Variants in B3GNT3 observed in about 807,000 individuals in gnomAD.
B3GNT3 encodes UDP-GlcNAc:betaGal beta-1,3-N-acetylglucosaminyltransferase 3, also known as N-acetyllactosaminide beta-1,3-N-acetylglucosaminyltransferase 3.
A neutral mutation model predicts 11.6 loss-of-function variants in B3GNT3; 7 were observed. The ratio of observed to expected loss-of-function variants is 0.60; its 90% CI spans 0.34 to 1.13. The LOEUF (loss-of-function observed/expected upper bound fraction) is 1.13, where lower values mean the gene tolerates loss of function less well. B3GNT3 is among the 50% of genes most tolerant of loss of function. The pLI is 0.03. For synonymous variants in B3GNT3, 201 were observed against 222.1 expected, an observed-to-expected ratio of 0.90 and a Z score of 0.85; for missense variants, 400 against 507.4, an observed-to-expected ratio of 0.79 and a Z score of 2.03.
rs184192733 is a variant in B3GNT3 at position 17,811,082 on chromosome 19, C to T, written c.568-489C>T. On this transcript the variant is annotated intron_variant, in intron 2 of 2. Transcript: ENST00000318683. The surrounding 1 kb of genome is among the most constrained non-coding windows in gnomAD (Gnocchi z 4.1). ...ATTATTAGCCAGGAGTAAGTAGCGG[C>T]ATGTGTCTGTAGTACCAGCTACTTG... Among the ~76,000 whole-genome samples the T allele has an allele frequency of 4.0e-5, 6 of 150,960 alleles. No individual in the cohort carries two copies. The highest frequency in any genetic ancestry group is 1.2e-4 in the African/African-American group (5 of 41,124).
Position 17,799,511 on chromosome 19 carries a change from G to A in B3GNT3, c.-51+4305G>A, listed in dbSNP as rs1303707232. On this transcript the variant is annotated intron_variant, in intron 1 of 2. Transcript: ENST00000318683. The stretch of plus-strand genomic sequence containing the variant: ...TCTCGAACTCCTGACCTCATGATTC[G>A]CCCGCCTCTGCCTCCCAAAGTGCTG... 4.0e-5 allele frequency among the ~76,000 whole-genome samples: 6 copies of A among 151,780 alleles called. No homozygotes were observed. In the South Asian group the frequency reaches 1.0e-3, roughly 26 times the overall value.
rs949440340 is a variant in B3GNT3, at chr19:17,808,096, G to T, written c.289G>T (p.Asp97Tyr). 6.2e-7 allele frequency: 1 copy of T among 1,613,846 alleles called. No individual in the cohort carries two copies. The highest frequency in any genetic ancestry group is 8.5e-7 in the Non-Finnish European group (1 of 1,179,916). The change falls in exon 2 of 3, where the codon GAC (aspartate) becomes TAC (tyrosine). Residue 97 changes from aspartate (D) to tyrosine (Y), a missense_variant. Coordinates refer to ENST00000318683, the MANE Select transcript of B3GNT3 (RefSeq NM_014256.4). Reference sequence around the variant, plus strand: ...CTGCCGCCACTTTCCCCTGCTGCAGGACGTGCCCCCCTCTAAGTGCGCGCA... The same window carrying T: ...CTGCCGCCACTTTCCCCTGCTGCAGTACGTGCCCCCCTCTAAGTGCGCGCA... ...RHCRHFPLLQ[D>Y]VPPSKCAQPV...
intron 1 of B3GNT3, among the ~76,000 whole-genome samples, chr19:17,805,447 C>G (rs2094171946): frequency 6.6e-6 from 1 of 152,116 alleles, no homozygotes; most frequent in Non-Finnish European, 1.5e-5. Flanking sequence ...CTCCCCTGCT[C>G]ATAGACCCTC....
chr19:17,808,109 C>G lies in B3GNT3; in HGVS notation c.302C>G (p.Ser101Cys). Residue 101 changes from serine (S) to cysteine (C), a missense_variant, in exon 2 of 3, where the codon TCT becomes TGT. Physicochemically the swap from Ser to Cys is moderately radical, Grantham distance 112. Coordinates refer to ENST00000318683, the MANE Select transcript of B3GNT3 (RefSeq NM_014256.4). ...HFPLLQDVPP[S>C]KCAQPVFLLL... is the part of the protein sequence containing the mutation. ...CCCCTGCTGCAGGACGTGCCCCCCT[C>G]TAAGTGCGCGCAGCCGGTCTTCCTG... 6.2e-7 allele frequency: 1 copy of G among 1,613,896 alleles called. No homozygotes were observed. The highest frequency in any genetic ancestry group is 1.1e-5 in the South Asian group (1 of 91,070).
chr19:17,807,960 T>TCCGCGCC lies in B3GNT3; in HGVS notation c.155_156insGCGCCCC (p.Pro53ArgfsTer52). 1 of 1,609,548 alleles carries TCCGCGCC rather than the reference T, an allele frequency of 6.2e-7. No homozygotes were observed. Among genetic ancestry groups the TCCGCGCC allele is most frequent in the Non-Finnish European group, 8.5e-7 (1 of 1,178,130 alleles). ...TCCCCGAGGCCCTGGCCTGGCCCAC[T>TCCGCGCC]CCACCCACCCGCCCAGCCCCGGCCC... On this transcript the variant is annotated frameshift_variant, in exon 2 of 3. Coordinates refer to ENST00000318683, the MANE Select transcript of B3GNT3 (RefSeq NM_014256.4). LOFTEE classifies it high-confidence loss of function.
chr19:17,807,884 G>A lies in B3GNT3; in HGVS notation c.77G>A (p.Ser26Asn). 2 of 1,613,468 alleles carry A rather than the reference G, an allele frequency of 1.2e-6. No individual in the cohort carries two copies. The highest frequency in any genetic ancestry group is 1.7e-6 in the Non-Finnish European group (2 of 1,179,984). ...GGCGCTTTCACCCTCCTCCTCTTCA[G>A]TCTGCTAGTGTCACCACCCACCTGC... ...AIGAFTLLLFSLLVSPPTCKV... is the reference protein window; with the variant it reads ...AIGAFTLLLFNLLVSPPTCKV... Residue 26 changes from serine to asparagine, a missense_variant, in exon 2 of 3, where the codon AGT becomes AAT. Coordinates refer to ENST00000318683, the MANE Select transcript of B3GNT3 (RefSeq NM_014256.4).
Position 17,811,727 on chromosome 19 carries a change from G to A in B3GNT3, c.724G>A (p.Val242Met), listed in dbSNP as rs747823658. Residue 242 changes from valine to methionine, a missense_variant, in exon 3 of 3, where the codon GTG becomes ATG. Val to Met is a conservative substitution (Grantham distance 21, BLOSUM62 1). Transcript: ENST00000318683. The surrounding 1 kb of genome is among the most constrained non-coding windows in gnomAD (Gnocchi z 4.1). Reference sequence around the variant, plus strand: ...CTTCGTGGGGCAACTGATCCAAAACGTGGGCCCCATCCGGGCTTTTTGGAG... The same window carrying A: ...CTTCGTGGGGCAACTGATCCAAAACATGGGCCCCATCCGGGCTTTTTGGAG... ...HLFVGQLIQN[V>M]GPIRAFWSKY... The A allele has an allele frequency of 6.8e-6, 11 of 1,614,086 alleles. No homozygotes were observed. The highest frequency in any genetic ancestry group is 5.5e-5 in the South Asian group (5 of 91,084).
intron 1 of B3GNT3, among the ~76,000 whole-genome samples, chr19:17,802,020 G>A (rs1357426076): frequency 2.0e-5 from 3 of 152,042 alleles, no homozygotes; most frequent in African/African-American, 4.8e-5. Flanking sequence ...CCTGGGAAGC[G>A]GGGGTTGCAG....
Position 17,813,520 on chromosome 19 carries a change from C to T in B3GNT3, c.*1398C>T, listed in dbSNP as rs1322577920. 6.6e-6 allele frequency among the ~76,000 whole-genome samples: 1 copy of T among 151,682 alleles called. No individual in the cohort carries two copies. The highest frequency in any genetic ancestry group is 2.1e-4 in the South Asian group (1 of 4,828). ...GGCAGATCTGACCTCATCCCACCCA[C>T]CCCCTGCTCAGATACCCTTCATAGC... On this transcript the variant is annotated 3_prime_UTR_variant, in exon 3 of 3. Transcript: ENST00000318683.
At chr19:17,804,532 G>GTTTTTTT (rs1568390814) in intron 1 of B3GNT3, among the ~76,000 whole-genome samples, 4 of 18,784 alleles carry the variant, frequency 2.1e-4, no homozygotes, top group Admixed American at 7.3e-4. Flanking sequence ...ACCGTGCCCA[G>GTTTTTTT]CTTTTTTTTT....
intron 1 of B3GNT3, among the ~76,000 whole-genome samples, chr19:17,804,604 C>T (rs1433852659): frequency 8.0e-6 from 1 of 125,216 alleles, no homozygotes; most frequent in East Asian, 2.5e-4. Flanking sequence ...GTGGTGTGAT[C>T]TTGGCTCACT....
Position 17,812,959 on chromosome 19 carries a change from G to GA in B3GNT3, c.*837_*838insA, listed in dbSNP as rs1456369262. Reference sequence around the variant, plus strand: ...CCCAGTATGTTTTACAGATTACGGGGGGACCGGGTGAGCCAGTGACCCCCT... The same window carrying GA: ...CCCAGTATGTTTTACAGATTACGGGGAGGACCGGGTGAGCCAGTGACCCCCT... On this transcript the variant is annotated 3_prime_UTR_variant, in exon 3 of 3. Coordinates refer to ENST00000318683, the MANE Select transcript of B3GNT3 (RefSeq NM_014256.4). 3.3e-5 allele frequency: 5 copies of GA among 152,200 alleles called. No homozygotes were observed. Among genetic ancestry groups the GA allele is most frequent in the South Asian group, 2.1e-4 (1 of 4,828 alleles). 9.4% of individuals were successfully genotyped at this position (152,200 alleles called of 1,614,324 possible). A position where few individuals can be genotyped will look rare whatever the true frequency, so the allele number is the denominator to read the frequency against.
chr19:17,802,568 G>A (rs149820790), intron 1 of B3GNT3, among the ~76,000 whole-genome samples: 109 of 152,262 alleles, frequency 7.2e-4, no homozygotes, highest in Non-Finnish European at 1.4e-3. Flanking sequence ...GAAGCCTCTC[G>A]GAGGTGACAT....
At chr19:17,803,250 C>A (rs994226015) in intron 1 of B3GNT3, among the ~76,000 whole-genome samples, 3 of 152,124 alleles carry the variant, frequency 2.0e-5, no homozygotes, top group African/African-American at 7.2e-5. Flanking sequence ...AGGTGATCTG[C>A]CCTCCTTGAC....
rs567247462 is a variant in B3GNT3, at chr19:17,807,493, G to C, written c.-50-265G>C. Among the ~76,000 whole-genome samples the C allele has an allele frequency of 1.7e-4, 25 of 148,972 alleles. No individual in the cohort carries two copies. The East Asian group carries it at 3.5e-3, about 21-fold the overall frequency. ...GGCAACAGAACAAGAGAGAGAGAGA[G>C]AGAGAGACGCTGTCTCAAAAAAAAA... is the stretch of plus-strand genomic sequence containing the variant. On this transcript the variant is annotated intron_variant, in intron 1 of 2. Coordinates refer to ENST00000318683, the MANE Select transcript of B3GNT3 (RefSeq NM_014256.4).
chr19:17,801,586 C>T (rs769195245), intron 1 of B3GNT3, among the ~76,000 whole-genome samples: 34 of 152,096 alleles, frequency 2.2e-4, no homozygotes, highest in Non-Finnish European at 4.7e-4. Flanking sequence ...TGGGCTCAAG[C>T]GATTCTCCTG....
At chr19:17,805,182 C>A (rs1378154661) in intron 1 of B3GNT3, among the ~76,000 whole-genome samples, 2 of 150,960 alleles carry the variant, frequency 1.3e-5, no homozygotes, top group African/African-American at 4.9e-5. Context: ...TCACTGCAGC[C>A]TCAAACTCCT....
Position 17,812,163 on chromosome 19 carries a change from T to C in B3GNT3, c.*41T>C, listed in dbSNP as rs45514998. The C allele has an allele frequency of 6.5e-7, 1 of 1,537,902 alleles. No individual in the cohort carries two copies. Among genetic ancestry groups the C allele is most frequent in the Non-Finnish European group, 8.7e-7 (1 of 1,151,556 alleles). On this transcript the variant is annotated 3_prime_UTR_variant, in exon 3 of 3. Coordinates refer to ENST00000318683, the MANE Select transcript of B3GNT3 (RefSeq NM_014256.4). ...CCCAGCCTCTGGGCTCCTGTTTCCA[T>C]AGGAAGGGGCGACACCTTCCTCCCA...
In B3GNT3 at chr19:17,811,450, A is replaced by T; in HGVS notation, c.568-121A>T. The T allele has an allele frequency of 9.4e-7, 1 of 1,061,634 alleles. No individual in the cohort carries two copies. The highest frequency in any genetic ancestry group is 1.3e-6 in the Non-Finnish European group (1 of 752,128). The allele number at this position is 1,061,634 out of a possible 1,614,324, so 65.8% of individuals were successfully genotyped here. ...AAGTAACCCCACAGGGCAGGGCCTT[A>T]ACCCAGGCTGGATTGTGGACACTTC... On this transcript the variant is annotated intron_variant, in intron 2 of 2. Transcript: ENST00000318683. The surrounding 1 kb of genome is among the most constrained non-coding windows in gnomAD (Gnocchi z 4.1).
Sources: gnomAD v4.1 joint callset for allele counts (sites outside exome capture counted in the v4.1 genomes callset) on GRCh38, gnomAD v4.1.1 for gene constraint, Gnocchi (gnomAD v3.1) non-coding constraint, MANE v1.5 for transcripts, NCBI Gene and HGNC (gene_info 2026-07-23, HGNC 2026-07-21) for gene names.